EGF: variants seen among roughly 807,000 people sequenced by gnomAD.
EGF encodes epidermal growth factor, also known as pro-epidermal growth factor.
EGF carries 95 observed loss-of-function variants against 143.8 expected under a neutral mutation model. That is an observed-to-expected ratio of 0.66 (90% confidence interval 0.56 to 0.78). The LOEUF (loss-of-function observed/expected upper bound fraction) is 0.78. Ranked by LOEUF, EGF falls within the 30% of genes least tolerant of loss-of-function variation. EGF has a pLI of 0.00. For synonymous variants in EGF, 510 were observed against 510.5 expected (o/e 1.00, Z 0.01); for missense variants, 1,320 against 1,470.9 (o/e 0.90, Z 1.68).
chr4:109,930,071 G>A (rs936938963), intron 1 of EGF, among the ~76,000 whole-genome samples: 4 of 152,184 alleles, frequency 2.6e-5, no homozygotes, highest in East Asian at 1.9e-4. Context: ...CGCTCCTGCC[G>A]CATGTGGAGA....
chr4:109,990,192 CT>C (rs1273652057), intron 18 of EGF, among the ~76,000 whole-genome samples: 1 of 152,074 alleles, frequency 6.6e-6, no homozygotes, highest in Non-Finnish European at 1.5e-5. Flanking sequence ...TAATTGGCCC[CT>C]ATTAAGAATA....
intron 1 of EGF, among the ~76,000 whole-genome samples, chr4:109,920,834 A>T (rs1737649534): frequency 6.6e-6 from 1 of 151,616 alleles, no homozygotes; most frequent in Non-Finnish European, 1.5e-5. Flanking sequence ...AATATTGTTC[A>T]CCATGAAGGA....
intron 1 of EGF, among the ~76,000 whole-genome samples, chr4:109,927,123 G>A (rs2125958291): frequency 6.6e-6 from 1 of 152,178 alleles, no homozygotes; most frequent in Non-Finnish European, 1.5e-5. Flanking sequence ...AAATTTGCTG[G>A]TCTAATTCAA....
chr4:109,988,769 A>G (rs1750525463), intron 18 of EGF, 60 bp downstream of exon 18: 1 of 1,608,974 alleles, frequency 6.2e-7, no homozygotes, highest in East Asian at 2.2e-5. Context: ...TCGGGAAACA[A>G]TGTGGGTGCA....
intron 23 of EGF, among the ~76,000 whole-genome samples, chr4:110,008,431 G>A (rs765583584): frequency 3.6e-4 from 55 of 152,064 alleles, no homozygotes; most frequent in Non-Finnish European, 7.6e-4. Flanking sequence ...AGGTTACCAC[G>A]TTCACTCAAA....
At chr4:109,935,807 T>C (rs550866071) in intron 1 of EGF, among the ~76,000 whole-genome samples, 33 of 152,312 alleles carry the variant, frequency 2.2e-4, no homozygotes, top group Non-Finnish European at 3.4e-4. Context: ...GATAATCGTG[T>C]GGTTTTTGTC....
intron 1 of EGF, among the ~76,000 whole-genome samples, chr4:109,913,801 A>C (rs1736121376): frequency 6.6e-6 from 1 of 152,232 alleles, no homozygotes; most frequent in Non-Finnish European, 1.5e-5. Flanking sequence ...TTAGGGAAAC[A>C]GATGGTTGAT....
chr4:109,940,684 A>G, intron 1 of EGF: 1 of 419,374 alleles, frequency 2.4e-6, no homozygotes, highest in Non-Finnish European at 4.3e-6. Context: ...AAGAGTAAAA[A>G]GTGTCTTTCT....
chr4:109,919,341 C>CT (rs1737367747), intron 1 of EGF, among the ~76,000 whole-genome samples: 2 of 97,608 alleles, frequency 2.0e-5, no homozygotes, highest in Non-Finnish European at 4.4e-5. Flanking sequence ...CTCTCTCTCT[C>CT]ATCTCTCTCT....
At position 109,964,659 on chromosome 4, in the gene EGF, GA is replaced by G. The variant is rs879159836; in HGVS notation, c.1575+124del. The G allele has an allele frequency of 3.7e-5, 51 of 1,393,314 alleles. 1 individual carries two copies. The East Asian group carries it at 7.3e-4, about 20-fold the overall frequency. 86.3% of individuals were successfully genotyped at this position (1,393,314 alleles called of 1,614,324 possible). A position where few individuals can be genotyped will look rare whatever the true frequency, so the allele number is the denominator to read the frequency against. ...GCTAAGTTCTGAATGATTAGGCACA[GA>G]ACAAGTTAAATATAGATATTGGAGT... On this transcript the variant is annotated intron_variant, in intron 10 of 23. Coordinates refer to ENST00000265171, the MANE Select transcript of EGF (RefSeq NM_001963.6).
chr4:109,997,396 A>G (rs1751955517), intron 20 of EGF, among the ~76,000 whole-genome samples: 1 of 152,110 alleles, frequency 6.6e-6, no homozygotes, highest in Admixed American at 6.5e-5. Flanking sequence ...AGTATATACC[A>G]CAACACATTA....
At chr4:110,010,127 T>C (rs1283069306) in intron 23 of EGF, among the ~76,000 whole-genome samples, 1 of 152,096 alleles carries the variant, frequency 6.6e-6, no homozygotes, top group Non-Finnish European at 1.5e-5. Flanking sequence ...GGCATGCTGG[T>C]GCACACCTGT....
intron 22 of EGF, among the ~76,000 whole-genome samples, chr4:110,007,111 T>C (rs553527842): frequency 5.3e-5 from 8 of 152,210 alleles, no homozygotes; most frequent in Non-Finnish European, 1.2e-4. Flanking sequence ...GAGGAGGAGA[T>C]GAAGCATGAT....
At chr4:109,968,064 G>C (rs989475146) in intron 10 of EGF, among the ~76,000 whole-genome samples, 3 of 151,990 alleles carry the variant, frequency 2.0e-5, no homozygotes, top group African/African-American at 7.3e-5. Flanking sequence ...GAACATTTAG[G>C]CTACACTAAA....
intron 11 of EGF, 106 bp downstream of exon 11, chr4:109,969,225 A>G (rs1244948071): frequency 2.7e-6 from 4 of 1,509,204 alleles, no homozygotes; most frequent in Non-Finnish European, 3.7e-6. Flanking sequence ...GTTGCTGGGC[A>G]TTTGGTTGGG....
At chr4:109,964,257 A>G in intron 9 of EGF, 144 bp from the exon 10 acceptor site, 1 of 1,134,760 alleles carries the variant, frequency 8.8e-7, no homozygotes, top group South Asian at 1.3e-5. Context: ...GCCTGTCTTC[A>G]CCTATACCAC....
At chr4:109,919,546 C>T (rs888431305) in intron 1 of EGF, among the ~76,000 whole-genome samples, 1 of 152,038 alleles carries the variant, frequency 6.6e-6, no homozygotes, top group Non-Finnish European at 1.5e-5. Flanking sequence ...GTGAGTTATA[C>T]TATAGGTTGT....
At position 109,976,344 on chromosome 4, in the gene EGF, A is replaced by G. The variant is rs1367009360; in HGVS notation, c.2053+109A>G. On this transcript the variant is annotated intron_variant, in intron 13 of 23. Coordinates refer to ENST00000265171, the MANE Select transcript of EGF (RefSeq NM_001963.6). ...ATACCACTTAGCCGTATGGGTGAAT[A>G]TGGAATAGAGACAGACTTCTCCAGG... 2.2e-5 allele frequency: 21 copies of G among 966,976 alleles called. No homozygotes were observed. The East Asian group carries it at 4.4e-4, about 20-fold the overall frequency. 59.9% of individuals were successfully genotyped at this position (966,976 alleles called of 1,614,324 possible).
At chr4:109,933,633 T>A (rs1740220243) in intron 1 of EGF, among the ~76,000 whole-genome samples, 1 of 152,206 alleles carries the variant, frequency 6.6e-6, no homozygotes, top group Non-Finnish European at 1.5e-5. Flanking sequence ...CCATGTGTTC[T>A]CATTGTTCAA....
Sources: allele counts gnomAD v4.1 joint callset (sites outside exome capture counted in the v4.1 genomes callset), GRCh38; gene constraint gnomAD v4.1.1; transcripts MANE v1.5; gene names NCBI Gene and HGNC (gene_info 2026-07-23, HGNC 2026-07-21).